SH3KBP1: variants seen among roughly 807,000 people sequenced by gnomAD.
SH3KBP1 encodes the protein SH3 domain containing kinase binding protein 1, also known as SH3 domain-containing kinase-binding protein 1.
A neutral mutation model predicts 50.1 loss-of-function variants in SH3KBP1; 8 were observed. The ratio of observed to expected loss-of-function variants is 0.16; its 90% CI spans 0.09 to 0.29. SH3KBP1 has a LOEUF of 0.29. SH3KBP1 is among the 10% of genes least tolerant of loss of function. The probability of loss-of-function intolerance (pLI) is 1.00; values close to 1 mark genes in which losing one functional copy is unlikely to be tolerated. For missense variants in SH3KBP1, 377 were observed against 535.2 expected, an observed-to-expected ratio of 0.70 and a Z score of 2.92; for synonymous variants, 227 against 218.6, an observed-to-expected ratio of 1.04 and a Z score of -0.34.
At chrX:19,829,352 T>C (rs1245968438) in intron 2 of SH3KBP1, among the ~76,000 whole-genome samples, 1 of 111,261 alleles carries the variant, frequency 9.0e-6, no homozygotes, top group Non-Finnish European at 1.9e-5. Context: ...GCAAAACTAA[T>C]GTATGATGAT....
At chrX:19,750,842 C>G (rs1442743155) in intron 2 of SH3KBP1, among the ~76,000 whole-genome samples, 1 of 111,198 alleles carries the variant, frequency 9.0e-6, no homozygotes, top group Non-Finnish European at 1.9e-5. Flanking sequence ...AAAAAAACAA[C>G]TGATTTTGCC....
chrX:19,571,439 C>A (rs1233550064), intron 12 of SH3KBP1, among the ~76,000 whole-genome samples: 1 of 112,119 alleles, frequency 8.9e-6, no homozygotes, highest in Non-Finnish European at 1.9e-5. Context: ...AGACTGATCC[C>A]GAGCCAACAG....
rs150993002 is a variant in SH3KBP1 at position 19,667,666 on chromosome X, A to C, written c.726+16157T>G. ...AAAGCATAAAATGGCAAAGGCAGTAAAATTTATGATGTTAAATATATTTTA... is the reference window on the plus strand; with the variant it reads ...AAAGCATAAAATGGCAAAGGCAGTACAATTTATGATGTTAAATATATTTTA... On this transcript the variant is annotated intron_variant, in intron 6 of 17. Coordinates refer to ENST00000397821, the MANE Select transcript of SH3KBP1 (RefSeq NM_031892.3). Among the ~76,000 whole-genome samples the C allele has an allele frequency of 3.5e-4, 39 of 111,566 alleles. 1 individual carries two copies. In the East Asian group the frequency reaches 9.3e-3, roughly 27 times the overall value.
chrX:19,695,415 C>T (rs188158728), intron 5 of SH3KBP1, among the ~76,000 whole-genome samples, 197 bp downstream of exon 5: 74 of 111,515 alleles, frequency 6.6e-4, no homozygotes, highest in African/African-American at 2.3e-3. Flanking sequence ...CAGAGACATA[C>T]AGAATGTGTG....
intron 1 of SH3KBP1, among the ~76,000 whole-genome samples, chrX:19,844,026 G>C (rs763090642): frequency 9.0e-6 from 1 of 111,522 alleles, no homozygotes; most frequent in Non-Finnish European, 1.9e-5. Context: ...TTCACTGGCT[G>C]TGTGACATGG....
At chrX:19,635,771 C>T (rs1003492205) in intron 7 of SH3KBP1, among the ~76,000 whole-genome samples, 1 of 110,641 alleles carries the variant, frequency 9.0e-6, no homozygotes, top group African/African-American at 3.3e-5. Context: ...CCCAACCACC[C>T]CCTCCTGTCC....
At chrX:19,627,017 T>C (rs766852605) in intron 8 of SH3KBP1, among the ~76,000 whole-genome samples, 4 of 112,299 alleles carry the variant, frequency 3.6e-5, no homozygotes, top group Non-Finnish European at 7.5e-5. Context: ...CATCTTGATG[T>C]CATCAAATAG....
intron 6 of SH3KBP1, among the ~76,000 whole-genome samples, chrX:19,657,273 T>TG (rs1321041984): frequency 4.6e-5 from 5 of 107,988 alleles, no homozygotes; most frequent in African/African-American, 1.7e-4. Context: ...CCCAGCTACT[T>TG]GGAGGGCTGA....
Position 19,572,430 on chromosome X carries a change from T to C in SH3KBP1, c.1299-3242A>G, listed in dbSNP as rs142520549. Among the ~76,000 whole-genome samples, 132 of 106,813 alleles carry C rather than the reference T, an allele frequency of 1.2e-3. No individual in the cohort carries two copies. In the East Asian group the frequency reaches 0.023, roughly 19 times the overall value. 92.8% of individuals were successfully genotyped at this position (106,813 alleles called of 115,157 possible). On this transcript the variant is annotated intron_variant, in intron 12 of 17. Coordinates refer to ENST00000397821, the MANE Select transcript of SH3KBP1 (RefSeq NM_031892.3). ...TAGTACATACATGTTATATAGTACATATATGTTATATAGTACATGTTATAT... is the reference window on the plus strand; with the variant it reads ...TAGTACATACATGTTATATAGTACACATATGTTATATAGTACATGTTATAT...
intron 6 of SH3KBP1, among the ~76,000 whole-genome samples, chrX:19,658,780 A>T (rs1322532303): frequency 9.0e-6 from 1 of 110,510 alleles, no homozygotes; most frequent in African/African-American, 3.3e-5. Flanking sequence ...GCTGCTCTCG[A>T]ACTCCTGACC....
chrX:19,755,272 G>A (rs1018599336), intron 2 of SH3KBP1, among the ~76,000 whole-genome samples: 1 of 112,005 alleles, frequency 8.9e-6, no homozygotes. Context: ...AGGAGGCAGA[G>A]GCAGGAGCAT....
At chrX:19,722,531 G>GGTGTGTGTGTGTGT (rs59121045) in intron 3 of SH3KBP1, among the ~76,000 whole-genome samples, 88 of 101,044 alleles carry the variant, frequency 8.7e-4, no homozygotes, top group African/African-American at 3.2e-3. Flanking sequence ...CAGCTGCACT[G>GGTGTGTGTGTGTGT]GTGTGTGTGT....
chrX:19,580,289 C>T (rs79292601), intron 12 of SH3KBP1, among the ~76,000 whole-genome samples: 6 of 111,782 alleles, frequency 5.4e-5, no homozygotes, highest in South Asian at 3.7e-4. Flanking sequence ...TATACACACA[C>T]ACAAATTTTC....
intron 1 of SH3KBP1, among the ~76,000 whole-genome samples, chrX:19,882,927 C>A (rs139473833): frequency 0.048 from 5,328 of 111,766 alleles, 324 homozygotes; most frequent in African/African-American, 0.16. Flanking sequence ...ACTGTCTTAA[C>A]ACAAGAAGTG....
intron 2 of SH3KBP1, among the ~76,000 whole-genome samples, chrX:19,833,565 C>G (rs750630357): frequency 9.3e-5 from 10 of 107,980 alleles, no homozygotes; most frequent in Non-Finnish European, 1.5e-4. Flanking sequence ...TTCTCCCCTT[C>G]CCACAGTCCT....
intron 1 of SH3KBP1, among the ~76,000 whole-genome samples, chrX:19,839,263 T>C (rs752725237): frequency 9.1e-6 from 1 of 110,019 alleles, no homozygotes; most frequent in African/African-American, 3.3e-5. Flanking sequence ...TGGGGTTTTC[T>C]TGATCTTCAA....
At chrX:19,683,161 G>C (rs776035200) in intron 6 of SH3KBP1, among the ~76,000 whole-genome samples, 2 of 111,577 alleles carry the variant, frequency 1.8e-5, no homozygotes, top group East Asian at 5.6e-4. Flanking sequence ...GTCATCGGCA[G>C]CCACAAGCGC....
rs534431997 is a variant in SH3KBP1, at chrX:19,692,624, CGTGTGTGTGTGTGTGT to C, written c.520+2972_520+2987del. Among the ~76,000 whole-genome samples the C allele has an allele frequency of 3.4e-3, 236 of 68,690 alleles. 4 individuals are homozygous for C. The highest frequency in any genetic ancestry group is 0.013 in the South Asian group (16 of 1,254). The allele number at this position is 68,690 out of a possible 115,157, so 59.6% of individuals were successfully genotyped here. A position where few individuals can be genotyped will look rare whatever the true frequency, so the allele number is the denominator to read the frequency against. ...ATATACATATACACATATATACATA[CGTGTGTGTGTGTGTGT>C]GTGTGTGTGTGTGTGTGTGTGTGTG... On this transcript the variant is annotated intron_variant, in intron 5 of 17. Transcript: ENST00000397821.
intron 14 of SH3KBP1, among the ~76,000 whole-genome samples, chrX:19,548,516 A>C (rs1194003790): frequency 1.8e-5 from 2 of 111,635 alleles, no homozygotes; most frequent in Admixed American, 1.9e-4. Flanking sequence ...TCTGTATAAC[A>C]ATAAAAAAAG....
Sources: allele counts gnomAD v4.1 joint callset (sites outside exome capture counted in the v4.1 genomes callset), GRCh38; gene constraint gnomAD v4.1.1; transcripts MANE v1.5; gene names NCBI Gene and HGNC (gene_info 2026-07-23, HGNC 2026-07-21).